The following CSMD1 variants were observed in gnomAD, a reference collection of about 807,000 sequenced individuals.
CSMD1 encodes the protein CUB and Sushi multiple domains 1.
CSMD1 carries 213 observed loss-of-function variants against 417.5 expected under a neutral mutation model. The observed-to-expected ratio is 0.51, with a 90% confidence interval of 0.46 to 0.57. CSMD1 has a LOEUF of 0.57. CSMD1 is among the 20% of genes least tolerant of loss of function. The probability of loss-of-function intolerance (pLI) is 0.00; values close to 1 mark genes in which losing one functional copy is unlikely to be tolerated. For missense variants in CSMD1, 6,923 were observed against 4,529.7 expected (o/e 1.53, Z -15.17); for synonymous variants, 2,862 against 1,736.8 (o/e 1.65, Z -16.11).
chr8:4,448,752 T>A (rs545348782), intron 2 of CSMD1, among the ~76,000 whole-genome samples: 1 of 152,316 alleles, frequency 6.6e-6, no homozygotes, highest in African/African-American at 2.4e-5. Flanking sequence ...CTGAATGACA[T>A]AATGACAACC....
rs368653091 is a variant in CSMD1 at position 3,493,724 on chromosome 8, G to A, written c.1347C>T (p.Val449=). The change falls in exon 11 of 70, where the codon GTC becomes GTT. Residue 449 remains valine (V), a splice_region_variant and synonymous_variant. Coordinates refer to ENST00000635120, the MANE Select transcript of CSMD1 (RefSeq NM_033225.6). ...CAAACTCTTCAAAGGCAAGCTTGAT[G>A]ACCTAAATACAAGGTACGAAACAGT... is the stretch of plus-strand genomic sequence containing the variant. The part of the protein sequence containing the change: ...WVITTTDPDK[V]IKLAFEEFEL... 1.4e-5 allele frequency: 23 copies of A among 1,608,354 alleles called. No individual in the cohort carries two copies. Among genetic ancestry groups the A allele is most frequent in the Non-Finnish European group, 2.0e-5 (23 of 1,177,270 alleles).
chr8:4,261,673 A>G (rs1282487963), intron 3 of CSMD1, among the ~76,000 whole-genome samples: 4 of 152,072 alleles, frequency 2.6e-5, no homozygotes, highest in Non-Finnish European at 5.9e-5. Flanking sequence ...GCCTCCCAAA[A>G]TGCTGGGACT....
At chr8:3,717,960 C>G (rs986098316) in intron 6 of CSMD1, among the ~76,000 whole-genome samples, 7 of 152,122 alleles carry the variant, frequency 4.6e-5, no homozygotes, top group African/African-American at 1.7e-4. Flanking sequence ...AAACTGATTT[C>G]TAGAACTATA....
At chr8:4,168,876 G>A (rs1427250559) in intron 3 of CSMD1, among the ~76,000 whole-genome samples, 3 of 152,088 alleles carry the variant, frequency 2.0e-5, no homozygotes, top group Non-Finnish European at 4.4e-5. Context: ...CACGGTGACT[G>A]ATGATATCAG....
intron 3 of CSMD1, among the ~76,000 whole-genome samples, chr8:4,416,239 T>C (rs868741785): frequency 1.3e-5 from 2 of 152,188 alleles, no homozygotes; most frequent in African/African-American, 4.8e-5. Flanking sequence ...GGTTGGATTA[T>C]GTACAAAACT....
intron 4 of CSMD1, among the ~76,000 whole-genome samples, chr8:4,017,806 A>C (rs1265045196): frequency 5.3e-5 from 8 of 152,154 alleles, no homozygotes; most frequent in Admixed American, 4.6e-4. Flanking sequence ...TTTGGAAAAG[A>C]TAACATTTCT....
intron 3 of CSMD1, among the ~76,000 whole-genome samples, chr8:4,305,613 C>T (rs1472749989): frequency 2.6e-5 from 4 of 152,272 alleles, no homozygotes; most frequent in South Asian, 4.1e-4. Flanking sequence ...ACAGAATCCA[C>T]GTAAGACCGT....
At chr8:3,415,659 C>G (rs1050924507) in intron 12 of CSMD1, among the ~76,000 whole-genome samples, 2 of 152,134 alleles carry the variant, frequency 1.3e-5, no homozygotes, top group Non-Finnish European at 2.9e-5. Context: ...TGTGCCTGGC[C>G]TTGTATGTCA....
chr8:4,193,663 A>C (rs1383872034), intron 3 of CSMD1, among the ~76,000 whole-genome samples: 1 of 152,112 alleles, frequency 6.6e-6, no homozygotes, highest in Non-Finnish European at 1.5e-5. Context: ...ATTTACCCAA[A>C]CACGGCAAAC....
At chr8:4,980,325 A>G (rs73497767) in intron 1 of CSMD1, among the ~76,000 whole-genome samples, 2,522 of 152,236 alleles carry the variant, frequency 0.017, 59 homozygotes, top group African/African-American at 0.057. Context: ...TGCCTATTAC[A>G]TTAGGAGAGA....
intron 1 of CSMD1, among the ~76,000 whole-genome samples, chr8:4,662,473 C>G (rs931188243): frequency 6.6e-6 from 1 of 152,094 alleles, no homozygotes; most frequent in African/African-American, 2.4e-5. Flanking sequence ...CAGTGAAGCA[C>G]TTTGTTTCTG....
At chr8:4,662,825 C>A (rs763649436) in intron 1 of CSMD1, among the ~76,000 whole-genome samples, 16 of 152,072 alleles carry the variant, frequency 1.1e-4, no homozygotes, top group Non-Finnish European at 2.9e-5. Flanking sequence ...CCCACATCAT[C>A]AAAACATTGT....
At chr8:3,118,698 G>C in intron 41 of CSMD1, 111 bp from the exon 42 acceptor site, 3 of 872,622 alleles carry the variant, frequency 3.4e-6, no homozygotes, top group Non-Finnish European at 1.8e-6. Flanking sequence ...TGTTGGATAA[G>C]TTTAATAAGG....
At chr8:3,904,221 T>A (rs1196365117) in intron 5 of CSMD1, among the ~76,000 whole-genome samples, 1 of 152,216 alleles carries the variant, frequency 6.6e-6, no homozygotes, top group Admixed American at 6.5e-5. Context: ...CTTATGGATA[T>A]CAGGAGCTGA....
chr8:4,377,456 C>G (rs1802828731), intron 3 of CSMD1, among the ~76,000 whole-genome samples: 1 of 152,084 alleles, frequency 6.6e-6, no homozygotes, highest in South Asian at 2.1e-4. Context: ...TTTTTTCCCC[C>G]TTAAATTACT....
chr8:4,469,514 C>G (rs1255557934), intron 2 of CSMD1, among the ~76,000 whole-genome samples: 1 of 152,168 alleles, frequency 6.6e-6, no homozygotes, highest in Admixed American at 6.5e-5. Flanking sequence ...AGAACCAAAC[C>G]TATTCCTTCC....
chr8:3,696,076 C>A (rs1165046833), intron 7 of CSMD1, among the ~76,000 whole-genome samples: 1 of 152,098 alleles, frequency 6.6e-6, no homozygotes, highest in African/African-American at 2.4e-5. Flanking sequence ...TTATGGGGGA[C>A]AGGGAATGAG....
chr8:4,293,844 G>A (rs1398754488), intron 3 of CSMD1, among the ~76,000 whole-genome samples: 1 of 152,204 alleles, frequency 6.6e-6, no homozygotes, highest in Non-Finnish European at 1.5e-5. Context: ...AGTGTCCAAA[G>A]CTGTTCTACT....
At chr8:4,440,533 A>G (rs1585078249) in intron 2 of CSMD1, among the ~76,000 whole-genome samples, 1 of 152,236 alleles carries the variant, frequency 6.6e-6, no homozygotes, top group South Asian at 2.1e-4. Context: ...ACATGTACAG[A>G]TAACATTGCT....
Sources: allele counts gnomAD v4.1 joint callset (sites outside exome capture counted in the v4.1 genomes callset), GRCh38; gene constraint gnomAD v4.1.1; transcripts MANE v1.5; gene names NCBI Gene and HGNC (gene_info 2026-07-23, HGNC 2026-07-21).